Variants in PRH1 observed in about 807,000 individuals in gnomAD.
PRH1 encodes proline rich protein HaeIII subfamily 1, also known as salivary acidic proline-rich phosphoprotein 1/2.
A neutral mutation model predicts 7.9 loss-of-function variants in PRH1; 7 were observed. That is an observed-to-expected ratio of 0.89 (90% CI 0.50 to 1.67). PRH1 has a LOEUF of 1.67. Among genes scored for constraint, PRH1 ranks in the 40% most tolerant of loss-of-function variants. The pLI, the probability that PRH1 is intolerant of heterozygous loss-of-function variation, is 0.00. For synonymous variants in PRH1, 45 were observed against 80.8 expected (o/e 0.56, Z 2.38); for missense variants, 109 against 223.6 (o/e 0.49, Z 3.27).
chr12:10,891,414 T>C (rs373689290), intron 2 of PRH1: 1 of 152,326 alleles, frequency 6.6e-6, no homozygotes, highest in East Asian at 1.9e-4. Flanking sequence ...CTACCAGTGG[T>C]ACTCAATTTT....
chr12:10,997,248 G>A, intron 1 of PRH1: 8 of 1,614,076 alleles, frequency 5.0e-6, no homozygotes, highest in Non-Finnish European at 6.8e-6. Flanking sequence ...CCATGGAGCT[G>A]CATCTTCTTC....
At chr12:10,908,924 T>C in intron 2 of PRH1, 1 of 1,613,272 alleles carries the variant, frequency 6.2e-7, no homozygotes, top group Non-Finnish European at 8.5e-7. Context: ...CTTTGTTTAC[T>C]CTCCACTTCA....
chr12:10,922,845 G>C (rs1325307766), intron 2 of PRH1, among the ~76,000 whole-genome samples: 2 of 34,932 alleles, frequency 5.7e-5, no homozygotes, highest in Non-Finnish European at 8.9e-5. Flanking sequence ...TTTTTGAGAC[G>C]GAGTCTCGCT....
intron 1 of PRH1, chr12:10,996,880 A>G: frequency 1.4e-6 from 2 of 1,450,796 alleles, no homozygotes; most frequent in Non-Finnish European, 1.8e-6. Context: ...TGTGGGAAAT[A>G]TAAAATGTTC....
At chr12:10,883,910 A>C (rs1331552481) in intron 1 of PRH1, among the ~76,000 whole-genome samples, 2 of 152,140 alleles carry the variant, frequency 1.3e-5, no homozygotes, top group Non-Finnish European at 2.9e-5. Context: ...GTCTCTATAT[A>C]ATGCAAATCT....
At chr12:11,030,359 A>G in intron 1 of PRH1, 1 of 1,578,282 alleles carries the variant, frequency 6.3e-7, no homozygotes, top group Non-Finnish European at 8.6e-7. Context: ...TTCATACACC[A>G]CCAGTTTGTT....
intron 1 of PRH1, among the ~76,000 whole-genome samples, chr12:11,124,456 T>A (rs1472708957): frequency 6.6e-6 from 1 of 152,286 alleles, no homozygotes; most frequent in Non-Finnish European, 1.5e-5. Context: ...ATTTTATTTA[T>A]ACTAAAATCA....
intron 1 of PRH1, among the ~76,000 whole-genome samples, chr12:11,041,638 T>C (rs1275407661): frequency 1.3e-5 from 2 of 152,212 alleles, no homozygotes; most frequent in African/African-American, 2.4e-5. Flanking sequence ...GATTATTAGA[T>C]ACTTACGTAA....
intron 2 of PRH1, among the ~76,000 whole-genome samples, chr12:10,941,571 T>TA (rs1950401733): frequency 1.5e-5 from 1 of 66,460 alleles, no homozygotes; most frequent in Non-Finnish European, 3.4e-5. Context: ...TATTTATTAT[T>TA]AAAATTTATT....
intron 1 of PRH1, among the ~76,000 whole-genome samples, chr12:10,975,819 G>C (rs1939068557): frequency 6.7e-6 from 1 of 149,056 alleles, no homozygotes; most frequent in Non-Finnish European, 1.5e-5. Flanking sequence ...GATCAAAAAA[G>C]ACAAGGAAGG....
At chr12:11,164,593 C>T (rs1183833518) in intron 1 of PRH1, among the ~76,000 whole-genome samples, 1 of 152,166 alleles carries the variant, frequency 6.6e-6, no homozygotes, top group Non-Finnish European at 1.5e-5. Context: ...CCCTACAATT[C>T]TGGATTCCTG....
rs1369574206 is a variant in PRH1, at chr12:11,096,882, C to G, written n.124-49694G>C. Among the ~76,000 whole-genome samples the G allele has an allele frequency of 3.5e-5, 4 of 114,614 alleles. 2 individuals are homozygous for G. Among genetic ancestry groups the G allele is most frequent in the African/African-American group, 1.2e-4 (4 of 34,038 alleles). 75.2% of individuals were successfully genotyped at this position (114,614 alleles called of 152,430 possible). A position where few individuals can be genotyped will look rare whatever the true frequency, so the allele number is the denominator to read the frequency against. On this transcript the variant is annotated intron_variant and non_coding_transcript_variant, in intron 1 of 4. Transcript: ENST00000541977. ...GCGCGATCTCGGCTCACTGCAAGCTCTGTCCCCGGGGTTCACGCCATTCTC... is the reference window on the plus strand; with the variant it reads ...GCGCGATCTCGGCTCACTGCAAGCTGTGTCCCCGGGGTTCACGCCATTCTC...
At chr12:11,023,055 T>C (rs1941741332) in intron 1 of PRH1, among the ~76,000 whole-genome samples, 2 of 152,200 alleles carry the variant, frequency 1.3e-5, no homozygotes. Context: ...TGGTCATAAC[T>C]AGGATCATAC....
intron 1 of PRH1, among the ~76,000 whole-genome samples, chr12:11,008,525 T>G (rs140923321): frequency 8.2e-6 from 1 of 122,364 alleles, no homozygotes; most frequent in East Asian, 2.6e-4. Context: ...CCATTATTTG[T>G]GATGATCATT....
intron 1 of PRH1, among the ~76,000 whole-genome samples, chr12:11,025,919 C>T (rs982085856): frequency 2.0e-5 from 3 of 152,302 alleles, no homozygotes; most frequent in Admixed American, 2.0e-4. Context: ...ACTGAACAAA[C>T]TACTCTTAAC....
intron 1 of PRH1, among the ~76,000 whole-genome samples, chr12:11,044,094 C>T (rs977295382): frequency 2.0e-5 from 3 of 152,070 alleles, no homozygotes; most frequent in Non-Finnish European, 4.4e-5. Context: ...TTAAGACAGA[C>T]ACATAGACCA....
At chr12:11,136,838 C>A (rs1373635159) in intron 1 of PRH1, among the ~76,000 whole-genome samples, 1 of 152,142 alleles carries the variant, frequency 6.6e-6, no homozygotes, top group East Asian at 1.9e-4. Flanking sequence ...CTGTGCAATA[C>A]ACCGAAACTC....
intron 1 of PRH1, among the ~76,000 whole-genome samples, chr12:11,083,265 C>T (rs74971268): frequency 0.47 from 30,649 of 64,772 alleles, 9,009 homozygotes; most frequent in Non-Finnish European, 0.63. Flanking sequence ...TAGCAAAATA[C>T]AGATGCTCAA....
At chr12:11,116,890 C>A (rs1278182823), downstream of PRH1, among the ~76,000 whole-genome samples, 3 of 151,894 alleles carry the variant, frequency 2.0e-5, no homozygotes, top group African/African-American at 7.2e-5. Flanking sequence ...ATGATAAAAA[C>A]CCTCAGAAAA....
Sources: allele counts gnomAD v4.1 joint callset (sites outside exome capture counted in the v4.1 genomes callset), GRCh38; gene constraint gnomAD v4.1.1; transcripts MANE v1.5; gene names NCBI Gene and HGNC (gene_info 2026-07-23, HGNC 2026-07-21).